The following ENOX1 variants were observed in gnomAD, a reference collection of about 807,000 sequenced individuals.
ENOX1 encodes candidate growth-related and time keeping constitutive hydroquinone (NADH) oxidase.
Under a neutral mutation model 82.5 loss-of-function variants are expected in ENOX1, and 42 were observed. The ratio of observed to expected loss-of-function variants is 0.51; its 90% CI spans 0.40 to 0.66. ENOX1 has a LOEUF of 0.66. Among genes scored for constraint, ENOX1 ranks in the 30% least tolerant of loss-of-function variants. ENOX1 has a pLI of 0.00. For missense variants in ENOX1, 608 were observed against 811.6 expected (o/e 0.75, Z 3.05); for synonymous variants, 271 against 282.2 (o/e 0.96, Z 0.40).
chr13:43,361,367 T>TCC lies in ENOX1; in HGVS notation c.292_293dup (p.Leu99AspfsTer17). 6.2e-7 allele frequency: 1 copy of TCC among 1,613,670 alleles called. No individual in the cohort carries two copies. The highest frequency in any genetic ancestry group is 1.3e-5 in the African/African-American group (1 of 75,030). On this transcript the variant is annotated frameshift_variant, in exon 6 of 17. Transcript: ENST00000690772. LOFTEE classifies it high-confidence loss of function. ...CTGTTGGTGGTGGGGGAGGTACCAG[T>TCC]CCAAGGCCTGGTATCATTGGGTTAA...
rs144484642 is a variant in ENOX1, at chr13:43,355,972, G to T, written c.770C>A (p.Ala257Asp). 5.5e-5 allele frequency: 88 copies of T among 1,613,574 alleles called. No homozygotes were observed. In the African/African-American group the frequency reaches 8.1e-4, roughly 15 times the overall value. ...TTCGTGCTCCGAGTAGTGCATTATG[G>T]CAGGCGGGGATGGGGGCCTGAGCCG... is the stretch of plus-strand genomic sequence containing the variant. ...EDRLRPPSPP[A>D]IMHYSEHEAA... The change falls in exon 8 of 17, where the codon GCC becomes GAC. Residue 257 changes from alanine (A) to aspartate (D), a missense_variant. By Grantham distance (126) the Ala-to-Asp change is moderately radical. Coordinates refer to ENST00000690772, the MANE Select transcript of ENOX1 (RefSeq NM_001347969.2).
At chr13:43,520,952 A>C (rs1160336091) in intron 2 of ENOX1, among the ~76,000 whole-genome samples, 1 of 152,148 alleles carries the variant, frequency 6.6e-6, no homozygotes, top group Non-Finnish European at 1.5e-5. Flanking sequence ...GCAGGGAGGG[A>C]ATGAGGGAAG....
At chr13:43,644,752 A>T (rs1489350286) in intron 2 of ENOX1, among the ~76,000 whole-genome samples, 1 of 152,232 alleles carries the variant, frequency 6.6e-6, no homozygotes, top group Non-Finnish European at 1.5e-5. Context: ...TTGCAGAATT[A>T]GGAATTGGCA....
intron 2 of ENOX1, among the ~76,000 whole-genome samples, chr13:43,640,285 C>T (rs2083580535): frequency 1.3e-5 from 2 of 152,186 alleles, no homozygotes; most frequent in South Asian, 4.1e-4. Flanking sequence ...ATTATCATCT[C>T]TAATTCCACT....
intron 1 of ENOX1, among the ~76,000 whole-genome samples, chr13:43,672,984 C>T (rs1388310431): frequency 2.0e-5 from 3 of 152,130 alleles, no homozygotes; most frequent in Admixed American, 6.5e-5. Context: ...AGTGCCCTCT[C>T]ACCCTGCAAA....
chr13:43,361,242 T>G, intron 6 of ENOX1, 37 bp downstream of exon 6: 1 of 1,598,092 alleles, frequency 6.3e-7, no homozygotes. Context: ...AGAAAAACAT[T>G]TAAAATGAGC....
intron 1 of ENOX1, among the ~76,000 whole-genome samples, chr13:43,731,317 T>TG (rs2089327461): frequency 1.3e-5 from 2 of 152,178 alleles, no homozygotes; most frequent in African/African-American, 4.8e-5. Context: ...TCACATAGAG[T>TG]ATTTTCTGGA....
intron 11 of ENOX1, among the ~76,000 whole-genome samples, chr13:43,298,815 A>G (rs2046415935): frequency 6.6e-6 from 1 of 152,132 alleles, no homozygotes; most frequent in African/African-American, 2.4e-5. Flanking sequence ...TCAATGCTAG[A>G]CACCCTCACA....
At chr13:43,716,620 C>A (rs945137886) in intron 1 of ENOX1, among the ~76,000 whole-genome samples, 1 of 152,086 alleles carries the variant, frequency 6.6e-6, no homozygotes, top group Non-Finnish European at 1.5e-5. Flanking sequence ...TATAATTCTA[C>A]ACATAGAAAA....
At chr13:43,285,560 ATT>A (rs1455405986) in intron 12 of ENOX1, among the ~76,000 whole-genome samples, 1 of 151,714 alleles carries the variant, frequency 6.6e-6, no homozygotes, top group African/African-American at 2.4e-5. Context: ...TATAAGAAGG[ATT>A]TTTTTTGCCG....
chr13:43,417,388 A>T (rs1424329164), intron 3 of ENOX1, among the ~76,000 whole-genome samples: 1 of 152,242 alleles, frequency 6.6e-6, no homozygotes, highest in East Asian at 1.9e-4. Context: ...GGCTGCCGTG[A>T]CATTGTTCAC....
In ENOX1 at chr13:43,651,695, T is replaced by TAAAAAAAAAAAAAA. The variant is rs57810969; in HGVS notation, c.-219+15783_-219+15784insTTTTTTTTTTTTTT. Among the ~76,000 whole-genome samples the TAAAAAAAAAAAAAA allele has an allele frequency of 4.1e-5, 4 of 96,930 alleles. 1 individual carries two copies. Among genetic ancestry groups the TAAAAAAAAAAAAAA allele is most frequent in the Admixed American group, 1.2e-4 (1 of 8,604 alleles). 63.6% of individuals were successfully genotyped at this position (96,930 alleles called of 152,430 possible). A position where few individuals can be genotyped will look rare whatever the true frequency, so the allele number is the denominator to read the frequency against. On this transcript the variant is annotated intron_variant, in intron 2 of 16. Transcript: ENST00000690772. ...CTGGGCGACATAGCGAGACTCTGTC[T>TAAAAAAAAAAAAAA]AAAAAAAAAAATCACACCTATAATC...
chr13:43,468,696 A>C (rs916917076), intron 3 of ENOX1, among the ~76,000 whole-genome samples: 1 of 151,718 alleles, frequency 6.6e-6, no homozygotes, highest in Non-Finnish European at 1.5e-5. Flanking sequence ...ATCTGTAGAT[A>C]TATTTGGGGA....
At chr13:43,404,489 T>A (rs1440199856) in intron 5 of ENOX1, among the ~76,000 whole-genome samples, 2 of 152,242 alleles carry the variant, frequency 1.3e-5, no homozygotes, top group African/African-American at 2.4e-5. Flanking sequence ...TAAGTCTAAT[T>A]TATCCTTTAG....
chr13:43,582,252 A>C (rs932918113), intron 2 of ENOX1, among the ~76,000 whole-genome samples: 3 of 152,186 alleles, frequency 2.0e-5, no homozygotes, highest in Non-Finnish European at 1.5e-5. Context: ...TTTTAAAAAA[A>C]ATCCACAGGA....
intron 5 of ENOX1, among the ~76,000 whole-genome samples, chr13:43,400,546 G>C (rs1386653576): frequency 6.6e-6 from 1 of 152,016 alleles, no homozygotes; most frequent in Non-Finnish European, 1.5e-5. Context: ...TCACTTTTTG[G>C]TTATTGTCAT....
At chr13:43,780,610 T>C (rs1032885330) in intron 1 of ENOX1, among the ~76,000 whole-genome samples, 1 of 152,174 alleles carries the variant, frequency 6.6e-6, no homozygotes, top group Admixed American at 6.5e-5. Context: ...TCTGTCAGGG[T>C]TGTCTTCAGG....
intron 2 of ENOX1, among the ~76,000 whole-genome samples, chr13:43,574,122 A>G (rs1404483537): frequency 2.0e-5 from 3 of 152,178 alleles, no homozygotes; most frequent in Non-Finnish European, 2.9e-5. Flanking sequence ...ATGAACTGCC[A>G]TATTTCTCCT....
At chr13:43,330,869 T>A (rs1284135898) in intron 9 of ENOX1, among the ~76,000 whole-genome samples, 1 of 152,228 alleles carries the variant, frequency 6.6e-6, no homozygotes, top group Non-Finnish European at 1.5e-5. Flanking sequence ...CACACATATA[T>A]GTATATATTC....
Sources: gnomAD v4.1 joint callset for allele counts (sites outside exome capture counted in the v4.1 genomes callset) on GRCh38, gnomAD v4.1.1 for gene constraint, MANE v1.5 for transcripts, NCBI Gene and HGNC (gene_info 2026-07-23, HGNC 2026-07-21) for gene names.